Variants in MAD1L1 observed in about 807,000 individuals in gnomAD.
MAD1L1 encodes mitotic arrest deficient 1 like 1.
A neutral mutation model predicts 96.9 loss-of-function variants in MAD1L1; 95 were observed. That is an observed-to-expected ratio of 0.98 (90% CI 0.83 to 1.16). The LOEUF is 1.16. Among genes scored for constraint, MAD1L1 ranks in the 50% most tolerant of loss-of-function variants. The probability of loss-of-function intolerance (pLI) is 0.00; values close to 1 mark genes in which losing one functional copy is unlikely to be tolerated. For missense variants in MAD1L1, 1,007 were observed against 954.4 expected (o/e 1.06, Z -0.73); for synonymous variants, 473 against 396.6 (o/e 1.19, Z -2.29).
At chr7:2,092,527 CG>C (rs1482884393) in intron 11 of MAD1L1, among the ~76,000 whole-genome samples, 4 of 152,076 alleles carry the variant, frequency 2.6e-5, no homozygotes, top group Non-Finnish European at 4.4e-5. Flanking sequence ...CTCTGGATAT[CG>C]GTGACTGTGT....
At chr7:2,190,962 T>A (rs1258451546) in intron 10 of MAD1L1, among the ~76,000 whole-genome samples, 1 of 152,134 alleles carries the variant, frequency 6.6e-6, no homozygotes, top group South Asian at 2.1e-4. Context: ...GAGGCCCCAC[T>A]CCTAGGTATT....
chr7:2,157,601 T>C (rs550370048), intron 10 of MAD1L1, among the ~76,000 whole-genome samples: 4 of 152,226 alleles, frequency 2.6e-5, no homozygotes, highest in African/African-American at 7.2e-5. Flanking sequence ...CGAGAAGCCC[T>C]GGGACTCAGG....
At chr7:1,975,029 C>T (rs1299599836) in intron 15 of MAD1L1, among the ~76,000 whole-genome samples, 1 of 152,266 alleles carries the variant, frequency 6.6e-6, no homozygotes, top group Non-Finnish European at 1.5e-5. Flanking sequence ...GCGCAGGGGC[C>T]GCTGTCGCTA....
At chr7:1,967,033 A>T (rs1034974415) in intron 15 of MAD1L1, among the ~76,000 whole-genome samples, 2 of 152,226 alleles carry the variant, frequency 1.3e-5, no homozygotes, top group Non-Finnish European at 2.9e-5. Flanking sequence ...GGGCTTACAG[A>T]TAATACCCGG....
intron 11 of MAD1L1, among the ~76,000 whole-genome samples, chr7:2,071,034 A>C (rs1236984042): frequency 1.0e-4 from 14 of 133,542 alleles, no homozygotes; most frequent in African/African-American, 3.2e-4. Flanking sequence ...CTTTCTTGGG[A>C]GGTGGTTTGG....
intron 12 of MAD1L1, among the ~76,000 whole-genome samples, chr7:2,063,175 T>A (rs568475343): frequency 2.6e-5 from 4 of 152,276 alleles, no homozygotes; most frequent in Admixed American, 2.6e-4. Flanking sequence ...TTCTATATGA[T>A]CTTTGCACAC....
chr7:2,042,107 G>GCACA lies in MAD1L1; in HGVS notation c.1218+27083_1218+27086dup, dbSNP rs61559940. ...CACACACATCCACACACGCACATGTGCACACACACACGCAGACACACATGC... is the reference window on the plus strand; with the variant it reads ...CACACACATCCACACACGCACATGTGCACACACACACACACGCAGACACACATGC... On this transcript the variant is annotated intron_variant, in intron 12 of 18. Coordinates refer to ENST00000265854, the MANE Select transcript of MAD1L1 (RefSeq NM_001013836.2). Among the ~76,000 whole-genome samples the GCACA allele has an allele frequency of 9.2e-3, 1,386 of 150,876 alleles. 18 individuals are homozygous for GCACA. The highest frequency in any genetic ancestry group is 0.033 in the African/African-American group (1,332 of 40,974).
intron 9 of MAD1L1, among the ~76,000 whole-genome samples, 163 bp from the exon 10 acceptor site, chr7:2,213,436 G>A (rs369074453): frequency 1.4e-4 from 21 of 152,244 alleles, no homozygotes; most frequent in African/African-American, 5.1e-4. Flanking sequence ...GGAAGTGGCC[G>A]GGTTATTATT....
chr7:2,095,603 C>T (rs907683975), intron 11 of MAD1L1, among the ~76,000 whole-genome samples: 5 of 152,184 alleles, frequency 3.3e-5, no homozygotes, highest in African/African-American at 9.6e-5. Flanking sequence ...AAACAGAAAA[C>T]GCAAGGAGGC....
chr7:2,216,082 G>T, intron 8 of MAD1L1, 75 bp downstream of exon 8: 1 of 1,608,548 alleles, frequency 6.2e-7, no homozygotes, highest in Non-Finnish European at 8.5e-7. Flanking sequence ...CCCCTACAGG[G>T]TCTGCACAGT....
chr7:1,952,449 C>T (rs895557617), intron 16 of MAD1L1, among the ~76,000 whole-genome samples: 5 of 152,200 alleles, frequency 3.3e-5, no homozygotes, highest in Admixed American at 2.6e-4. Context: ...CTTCCTTTCA[C>T]GGACGGGAAG....
At chr7:2,127,718 C>T (rs1270914774) in intron 11 of MAD1L1, among the ~76,000 whole-genome samples, 1 of 152,178 alleles carries the variant, frequency 6.6e-6, no homozygotes, top group Non-Finnish European at 1.5e-5. Flanking sequence ...CCTGCAATTA[C>T]AATCTCACGC....
intron 14 of MAD1L1, among the ~76,000 whole-genome samples, chr7:1,986,354 C>T (rs1007646800): frequency 4.0e-5 from 6 of 151,796 alleles, no homozygotes; most frequent in Admixed American, 3.3e-4. Context: ...TGGAACCACA[C>T]GCCAGTCCAG....
At chr7:1,943,954 A>G (rs984734548) in intron 16 of MAD1L1, among the ~76,000 whole-genome samples, 64 of 152,226 alleles carry the variant, frequency 4.2e-4, no homozygotes, top group African/African-American at 1.5e-3. Context: ...GGCCGTGCAC[A>G]GTGGGGTGTT....
chr7:1,941,359 G>A (rs1562546128), intron 16 of MAD1L1, among the ~76,000 whole-genome samples: 1 of 152,220 alleles, frequency 6.6e-6, no homozygotes, highest in South Asian at 2.1e-4. Context: ...CCCCTGATGG[G>A]GGGCTTGAGG....
chr7:2,012,825 G>A (rs1207459187), intron 13 of MAD1L1, among the ~76,000 whole-genome samples: 2 of 152,144 alleles, frequency 1.3e-5, no homozygotes, highest in African/African-American at 4.8e-5. Context: ...TCCTGGGCTG[G>A]GACCTGTCAT....
intron 17 of MAD1L1, among the ~76,000 whole-genome samples, chr7:1,903,178 ACG>A: frequency 7.6e-6 from 1 of 131,728 alleles, no homozygotes; most frequent in Admixed American, 7.6e-5. Flanking sequence ...CAGCAAGCAC[ACG>A]GTGGCCTATT....
intron 11 of MAD1L1, chr7:2,089,206 G>A (rs1786082652): frequency 6.6e-6 from 1 of 152,250 alleles, no homozygotes; most frequent in Non-Finnish European, 1.5e-5. Context: ...CCACAGCCAA[G>A]GTGATATGGT....
chr7:1,921,421 C>T (rs924597857), intron 17 of MAD1L1, among the ~76,000 whole-genome samples: 2 of 151,736 alleles, frequency 1.3e-5, no homozygotes, highest in East Asian at 3.9e-4. Flanking sequence ...CAGGTTCAGG[C>T]GATTCTCCCA....
Sources: allele counts gnomAD v4.1 joint callset (sites outside exome capture counted in the v4.1 genomes callset), GRCh38; gene constraint gnomAD v4.1.1; transcripts MANE v1.5; gene names NCBI Gene and HGNC (gene_info 2026-07-23, HGNC 2026-07-21).